The following RALGAPA2 variants were observed in gnomAD, a reference collection of about 807,000 sequenced individuals.
The protein encoded by RALGAPA2 is Ral GTPase activating protein catalytic subunit alpha 2.
RALGAPA2 carries 139 observed loss-of-function variants against 230.4 expected under a neutral mutation model. The ratio of observed to expected loss-of-function variants is 0.60; its 90% CI spans 0.53 to 0.69. The LOEUF (loss-of-function observed/expected upper bound fraction) is 0.69, where lower values mean the gene tolerates loss of function less well. RALGAPA2 is among the 30% of genes least tolerant of loss of function. The probability of loss-of-function intolerance (pLI) is 0.00; values close to 1 mark genes in which losing one functional copy is unlikely to be tolerated. For missense variants in RALGAPA2, 2,163 were observed against 2,276.0 expected, an observed-to-expected ratio of 0.95 and a Z score of 1.01; for synonymous variants, 847 against 837.8, an observed-to-expected ratio of 1.01 and a Z score of -0.19.
chr20:20,457,444 A>G (rs1286307773), intron 37 of RALGAPA2, among the ~76,000 whole-genome samples: 1 of 152,178 alleles, frequency 6.6e-6, no homozygotes, highest in African/African-American at 2.4e-5. Context: ...TGAGTTGCTC[A>G]TTTTTCTTTT....
intron 38 of RALGAPA2, among the ~76,000 whole-genome samples, chr20:20,409,025 T>C (rs2060005004): frequency 1.3e-5 from 2 of 152,190 alleles, no homozygotes; most frequent in South Asian, 4.1e-4. Context: ...CTTTGAAAAA[T>C]GCCGAGCGCT....
rs146769881 is a variant in RALGAPA2 at position 20,573,112 on chromosome 20, T to C, written c.2708-44A>G. The C allele has an allele frequency of 2.2e-5, 32 of 1,438,864 alleles. No homozygotes were observed. The East Asian group carries it at 8.0e-4, about 36-fold the overall frequency. The allele number at this position is 1,438,864 out of a possible 1,614,324, so 89.1% of individuals were successfully genotyped here. On this transcript the variant is annotated intron_variant, in intron 20 of 39. Transcript: ENST00000202677. ...CTGTTAACCCTGTAAACAATCTTGATTTCATCATACCTTTTTTCTTTAAGG... is the reference window on the plus strand; with the variant it reads ...CTGTTAACCCTGTAAACAATCTTGACTTCATCATACCTTTTTTCTTTAAGG...
At chr20:20,687,475 A>G (rs1278251492) in intron 1 of RALGAPA2, among the ~76,000 whole-genome samples, 1 of 152,154 alleles carries the variant, frequency 6.6e-6, no homozygotes, top group Non-Finnish European at 1.5e-5. Flanking sequence ...TTGGCCAAAA[A>G]GGCCTTAAAA....
chr20:20,639,004 C>A (rs1328742550), intron 7 of RALGAPA2, among the ~76,000 whole-genome samples: 2 of 152,074 alleles, frequency 1.3e-5, no homozygotes, highest in Non-Finnish European at 2.9e-5. Context: ...GTAGTTAAAT[C>A]CCCTCGAAGA....
At chr20:20,465,438 C>T (rs1199780376) in intron 37 of RALGAPA2, among the ~76,000 whole-genome samples, 1 of 152,082 alleles carries the variant, frequency 6.6e-6, no homozygotes, top group African/African-American at 2.4e-5. Context: ...GGTTAGGGGT[C>T]ATCCCAGTGG....
At chr20:20,645,106 C>CTTTTTT (rs71198064) in intron 4 of RALGAPA2, among the ~76,000 whole-genome samples, 2 of 59,462 alleles carry the variant, frequency 3.4e-5, no homozygotes, top group Non-Finnish European at 6.7e-5. Flanking sequence ...GGTGGTGGTG[C>CTTTTTT]TTTTTTTTTT....
intron 1 of RALGAPA2, among the ~76,000 whole-genome samples, chr20:20,698,329 G>T (rs573656463): frequency 1.4e-4 from 21 of 151,086 alleles, no homozygotes; most frequent in Non-Finnish European, 2.7e-4. Flanking sequence ...GGAGTGCAGT[G>T]GCTCAATCTC....
chr20:20,478,024 C>CA (rs1423102042), intron 36 of RALGAPA2, among the ~76,000 whole-genome samples: 9 of 152,170 alleles, frequency 5.9e-5, no homozygotes, highest in Non-Finnish European at 1.2e-4. Context: ...GGTTATAAAG[C>CA]AAATCTCAAT....
At chr20:20,427,392 GC>G (rs1199392109) in intron 37 of RALGAPA2, among the ~76,000 whole-genome samples, 1 of 151,938 alleles carries the variant, frequency 6.6e-6, no homozygotes, top group African/African-American at 2.4e-5. Flanking sequence ...CCATCTGTGT[GC>G]CATTCTGCTT....
At chr20:20,493,370 T>C (rs941982735) in intron 36 of RALGAPA2, among the ~76,000 whole-genome samples, 2 of 152,228 alleles carry the variant, frequency 1.3e-5, no homozygotes, top group African/African-American at 4.8e-5. Flanking sequence ...ATTAAAATAT[T>C]AAGAAAGCGA....
intron 36 of RALGAPA2, among the ~76,000 whole-genome samples, chr20:20,491,034 A>G (rs1338203952): frequency 6.6e-6 from 1 of 152,016 alleles, no homozygotes; most frequent in African/African-American, 2.4e-5. Context: ...AAAAAAAGGC[A>G]TTTAGAATCC....
At chr20:20,477,128 C>T (rs1387766402) in intron 36 of RALGAPA2, among the ~76,000 whole-genome samples, 1 of 152,176 alleles carries the variant, frequency 6.6e-6, no homozygotes, top group African/African-American at 2.4e-5. Context: ...CTATTTTGAT[C>T]TGGGGTGGTA....
chr20:20,609,517 A>AAACC (rs913042362), intron 14 of RALGAPA2, among the ~76,000 whole-genome samples: 3 of 152,144 alleles, frequency 2.0e-5, no homozygotes, highest in Non-Finnish European at 4.4e-5. Context: ...CCAAAGATCA[A>AAACC]AACCAACCAA....
chr20:20,409,695 T>C (rs1399972679), intron 38 of RALGAPA2, among the ~76,000 whole-genome samples: 4 of 152,230 alleles, frequency 2.6e-5, no homozygotes, highest in Non-Finnish European at 5.9e-5. Context: ...TAGTAACAGA[T>C]AGTGGACAGG....
chr20:20,411,714 T>C (rs2060063669), intron 38 of RALGAPA2, among the ~76,000 whole-genome samples: 2 of 152,176 alleles, frequency 1.3e-5, no homozygotes, highest in South Asian at 4.1e-4. Flanking sequence ...GGGCATCGCT[T>C]TTAAACAGCA....
chr20:20,455,237 C>A (rs752533140), intron 37 of RALGAPA2, among the ~76,000 whole-genome samples: 215 of 152,336 alleles, frequency 1.4e-3, no homozygotes, highest in Non-Finnish European at 2.2e-3. Context: ...TTAGAGCTAT[C>A]GATCGCTGCC....
rs558351278 is a variant in RALGAPA2, at chr20:20,660,189, C to T, written c.271-6602G>A. Among the ~76,000 whole-genome samples the T allele has an allele frequency of 3.3e-5, 5 of 151,960 alleles. No individual in the cohort carries two copies. The East Asian group carries it at 9.7e-4, about 29-fold the overall frequency. ...GTTGCGGTAAGCTGATATTGCACCA[C>T]CGCACTCCAGCCTGGGCAACAGAGC... On this transcript the variant is annotated intron_variant, in intron 3 of 39. Transcript: ENST00000202677.
chr20:20,651,641 C>CT (rs1474290337), intron 4 of RALGAPA2, among the ~76,000 whole-genome samples: 1 of 152,158 alleles, frequency 6.6e-6, no homozygotes, highest in Non-Finnish European at 1.5e-5. Context: ...TACACACTGC[C>CT]TACTAGACAC....
intron 36 of RALGAPA2, among the ~76,000 whole-genome samples, chr20:20,475,836 A>G (rs575127649): frequency 7.9e-5 from 12 of 152,290 alleles, no homozygotes; most frequent in South Asian, 6.2e-4. Flanking sequence ...CACAGATATC[A>G]TGATTATGTA....
Sources: gnomAD v4.1 joint callset for allele counts (sites outside exome capture counted in the v4.1 genomes callset) on GRCh38, gnomAD v4.1.1 for gene constraint, MANE v1.5 for transcripts, NCBI Gene and HGNC (gene_info 2026-07-23, HGNC 2026-07-21) for gene names.